RAB3C: variants seen among roughly 807,000 people sequenced by gnomAD.
RAB3C encodes the protein RAB3C, member RAS oncogene family.
RAB3C carries 17 observed loss-of-function variants against 26.4 expected under a neutral mutation model. That is an observed-to-expected ratio of 0.64 (90% CI 0.44 to 0.97). The LOEUF (loss-of-function observed/expected upper bound fraction) is 0.97, where lower values mean the gene tolerates loss of function less well. Ranked by LOEUF, RAB3C falls within the 50% of genes least tolerant of loss-of-function variation. The probability of loss-of-function intolerance (pLI) is 0.00; values close to 1 mark genes in which losing one functional copy is unlikely to be tolerated. For synonymous variants in RAB3C, 91 were observed against 95.9 expected (o/e 0.95, Z 0.30); for missense variants, 242 against 281.9 (o/e 0.86, Z 1.01).
chr5:58,786,838 C>A (rs1487222374), intron 3 of RAB3C, among the ~76,000 whole-genome samples: 2 of 151,656 alleles, frequency 1.3e-5, no homozygotes, highest in African/African-American at 2.4e-5. Flanking sequence ...CGCCCCCTCA[C>A]CCCCCGCCAG....
intron 3 of RAB3C, among the ~76,000 whole-genome samples, chr5:58,752,259 C>T (rs77941567): frequency 0.014 from 2,204 of 152,190 alleles, 32 homozygotes; most frequent in Non-Finnish European, 0.019. Flanking sequence ...AATACTACTT[C>T]TATAATTTAA....
chr5:58,685,804 G>T (rs1748433367), intron 2 of RAB3C, among the ~76,000 whole-genome samples: 1 of 152,114 alleles, frequency 6.6e-6, no homozygotes, highest in African/African-American at 2.4e-5. Flanking sequence ...TTCTCTAAGG[G>T]CTTAGATTCT....
At chr5:58,592,694 TTTC>T (rs1746160497) in intron 1 of RAB3C, among the ~76,000 whole-genome samples, 3 of 152,162 alleles carry the variant, frequency 2.0e-5, no homozygotes, top group Admixed American at 2.0e-4. Flanking sequence ...GCATATAAAA[TTTC>T]TTGTTGATTT....
rs1561153740 is a variant in RAB3C at position 58,853,273 on chromosome 5, T to C, written c.*1922T>C. On this transcript the variant is annotated 3_prime_UTR_variant, in exon 5 of 5. Transcript: ENST00000282878. ...TTGTAGCAGTAGTCTGTTTGTACAA[T>C]GTTATAATATTTCTGTAACTTGGGC... is the stretch of plus-strand genomic sequence containing the variant. The C allele has an allele frequency of 6.6e-6, 1 of 152,198 alleles. No homozygotes were observed. Among genetic ancestry groups the C allele is most frequent in the Non-Finnish European group, 1.5e-5 (1 of 68,024 alleles). The allele number at this position is 152,198 out of a possible 1,614,324, so 9.4% of individuals were successfully genotyped here.
intron 1 of RAB3C, among the ~76,000 whole-genome samples, chr5:58,587,377 C>G (rs1746034696): frequency 6.6e-6 from 1 of 152,024 alleles, no homozygotes; most frequent in Admixed American, 6.6e-5. Flanking sequence ...AAAAAATGTT[C>G]TTTTATATAG....
intron 3 of RAB3C, among the ~76,000 whole-genome samples, chr5:58,736,132 T>G (rs1180067438): frequency 6.6e-6 from 1 of 152,166 alleles, no homozygotes; most frequent in Admixed American, 6.5e-5. Flanking sequence ...CTGCGCCCTG[T>G]CCCTCCTGCT....
chr5:58,686,858 AC>A (rs1323948968), intron 2 of RAB3C, among the ~76,000 whole-genome samples: 1 of 152,114 alleles, frequency 6.6e-6, no homozygotes, highest in African/African-American at 2.4e-5. Context: ...CCCATTGACC[AC>A]TAACACAGTC....
rs1334750181 is a variant in RAB3C, at chr5:58,651,759, G to A, written c.252+33889G>A. On this transcript the variant is annotated intron_variant, in intron 2 of 4. Coordinates refer to ENST00000282878, the MANE Select transcript of RAB3C (RefSeq NM_138453.4). ...AAGTCCTACATTCAGTAGTAGAGTC[G>A]GTATCCACTGAGGACTGGTTCCAGG... Among the ~76,000 whole-genome samples the A allele has an allele frequency of 2.6e-5, 4 of 151,982 alleles. No homozygotes were observed. In the South Asian group the frequency reaches 6.2e-4, roughly 24 times the overall value.
At chr5:58,671,050 G>A (rs1202685208) in intron 2 of RAB3C, among the ~76,000 whole-genome samples, 1 of 152,104 alleles carries the variant, frequency 6.6e-6, no homozygotes, top group Non-Finnish European at 1.5e-5. Flanking sequence ...TTTCTGTAAA[G>A]TGGCCAGATT....
intron 2 of RAB3C, among the ~76,000 whole-genome samples, chr5:58,680,215 T>C (rs771494540): frequency 6.6e-6 from 1 of 152,170 alleles, no homozygotes; most frequent in Non-Finnish European, 1.5e-5. Flanking sequence ...ATACCAACAC[T>C]TTAGCTACTT....
At chr5:58,849,767 A>G (rs573697188) in intron 4 of RAB3C, among the ~76,000 whole-genome samples, 2 of 152,376 alleles carry the variant, frequency 1.3e-5, no homozygotes, top group African/African-American at 4.8e-5. Context: ...TATAACGACT[A>G]AGTTGGAGAT....
chr5:58,685,210 C>T (rs1370696908), intron 2 of RAB3C, among the ~76,000 whole-genome samples: 3 of 152,096 alleles, frequency 2.0e-5, no homozygotes, highest in Admixed American at 1.3e-4. Context: ...AGTCTTGGAA[C>T]ATATTTCCCT....
intron 2 of RAB3C, among the ~76,000 whole-genome samples, chr5:58,699,034 C>T (rs2111875024): frequency 6.6e-6 from 1 of 152,304 alleles, no homozygotes; most frequent in African/African-American, 2.4e-5. Context: ...TTCAGCTTTT[C>T]TGCTCTGGTT....
intron 1 of RAB3C, among the ~76,000 whole-genome samples, chr5:58,605,468 T>G (rs1463139912): frequency 6.6e-6 from 1 of 152,158 alleles, no homozygotes; most frequent in Non-Finnish European, 1.5e-5. Flanking sequence ...AATCAACAAC[T>G]CTTCTTATAT....
chr5:58,715,929 C>T (rs1048901700), intron 2 of RAB3C, among the ~76,000 whole-genome samples: 1 of 151,650 alleles, frequency 6.6e-6, no homozygotes, highest in Non-Finnish European at 1.5e-5. Flanking sequence ...GGGTTAGTTA[C>T]ATATGTATAC....
At chr5:58,697,830 A>T (rs1225829822) in intron 2 of RAB3C, among the ~76,000 whole-genome samples, 13 of 152,092 alleles carry the variant, frequency 8.5e-5, no homozygotes, top group Non-Finnish European at 1.8e-4. Context: ...TGCACATGAG[A>T]TGGGTCTTCC....
At chr5:58,717,014 C>G (rs751943696) in intron 2 of RAB3C, among the ~76,000 whole-genome samples, 2 of 151,902 alleles carry the variant, frequency 1.3e-5, no homozygotes, top group Non-Finnish European at 2.9e-5. Context: ...ACAAATGCAC[C>G]ACTCGGGTGG....
chr5:58,833,138 AAC>A (rs761269103), intron 4 of RAB3C, among the ~76,000 whole-genome samples: 3 of 152,100 alleles, frequency 2.0e-5, no homozygotes, highest in African/African-American at 4.8e-5. Context: ...AGAATTATAA[AAC>A]AACATATGTT....
At chr5:58,743,226 A>G (rs780132204) in intron 3 of RAB3C, among the ~76,000 whole-genome samples, 33 of 152,164 alleles carry the variant, frequency 2.2e-4, no homozygotes, top group Non-Finnish European at 3.8e-4. Context: ...AATCTAATGT[A>G]CCTGGCATCA....
Sources: allele counts gnomAD v4.1 joint callset (sites outside exome capture counted in the v4.1 genomes callset), GRCh38; gene constraint gnomAD v4.1.1; transcripts MANE v1.5; gene names NCBI Gene and HGNC (gene_info 2026-07-23, HGNC 2026-07-21).